Variants in PCBP3 observed in about 807,000 individuals in gnomAD.
PCBP3 encodes the protein poly(rC) binding protein 3.
A neutral mutation model predicts 52.7 loss-of-function variants in PCBP3; 25 were observed. The observed-to-expected ratio is 0.47, with a 90% CI of 0.35 to 0.66. The LOEUF is 0.66. Ranked by LOEUF, PCBP3 falls within the 30% of genes least tolerant of loss-of-function variation. The pLI, the probability that PCBP3 is intolerant of heterozygous loss-of-function variation, is 0.01. For missense variants in PCBP3, 391 were observed against 490.3 expected, an observed-to-expected ratio of 0.80 and a Z score of 1.91; for synonymous variants, 162 against 183.0, an observed-to-expected ratio of 0.89 and a Z score of 0.93.
intron 3 of PCBP3, among the ~76,000 whole-genome samples, chr21:45,739,610 AC>A (rs2086252644): frequency 1.1e-4 from 1 of 9,452 alleles, no homozygotes; most frequent in South Asian, 3.8e-3. Context: ...TCATCAGCCC[AC>A]CCCTTCCTGT....
rs1174868284 is a variant in PCBP3 at position 45,823,407 on chromosome 21, G to C, written c.-125-26554G>C. Among the ~76,000 whole-genome samples the C allele has an allele frequency of 4.6e-5, 7 of 152,208 alleles. No individual in the cohort carries two copies. The East Asian group carries it at 1.3e-3, about 29-fold the overall frequency. On this transcript the variant is annotated intron_variant, in intron 4 of 17. Transcript: ENST00000681687. ...GGGGATTCGGTTGAGGTGGTGTCTG[G>C]TCTCTTCATGAGTGGAAAGTGCAGC... is the stretch of plus-strand genomic sequence containing the variant.
intron 4 of PCBP3, among the ~76,000 whole-genome samples, chr21:45,838,048 G>T (rs62214608): frequency 6.6e-6 from 1 of 152,174 alleles, no homozygotes; most frequent in Non-Finnish European, 1.5e-5. Flanking sequence ...TGCCAGAAAG[G>T]CAGGATAGAT....
chr21:45,793,111 C>T (rs886667122), intron 4 of PCBP3, among the ~76,000 whole-genome samples: 2 of 152,202 alleles, frequency 1.3e-5, no homozygotes, highest in Admixed American at 6.5e-5. Flanking sequence ...CAGGAGAAAG[C>T]AGCAGCAAGC....
chr21:45,930,054 T>C (rs374746722), intron 14 of PCBP3, 59 bp downstream of exon 14: 54 of 1,272,582 alleles, frequency 4.2e-5, no homozygotes, highest in Middle Eastern at 1.9e-4. Flanking sequence ...TTTCTCTTTC[T>C]GAGCTGTGTT....
At chr21:45,750,117 AC>A (rs2087288967) in intron 3 of PCBP3, 1 of 152,232 alleles carries the variant, frequency 6.6e-6, no homozygotes, top group Non-Finnish European at 1.5e-5. Flanking sequence ...TCAGGGCCTC[AC>A]CTCGCCAGGT....
intron 3 of PCBP3, among the ~76,000 whole-genome samples, chr21:45,751,303 T>G (rs969076366): frequency 1.3e-5 from 2 of 152,258 alleles, no homozygotes; most frequent in Non-Finnish European, 2.9e-5. Flanking sequence ...TGTATCTTGC[T>G]ACATATGTTC....
chr21:45,757,949 C>T (rs1011885207), intron 4 of PCBP3, among the ~76,000 whole-genome samples: 3 of 151,152 alleles, frequency 2.0e-5, no homozygotes, highest in African/African-American at 2.4e-5. Context: ...TACAGTGGTG[C>T]GATCTCGGCT....
chr21:45,882,357 A>G (rs1434841109), intron 5 of PCBP3, among the ~76,000 whole-genome samples: 1 of 151,934 alleles, frequency 6.6e-6, no homozygotes, highest in African/African-American at 2.4e-5. Context: ...TTTCTTTGCC[A>G]TTTTTTTAAA....
At chr21:45,823,990 C>T (rs1341621126) in intron 4 of PCBP3, among the ~76,000 whole-genome samples, 1 of 152,200 alleles carries the variant, frequency 6.6e-6, no homozygotes, top group Non-Finnish European at 1.5e-5. Flanking sequence ...AATTCACCCG[C>T]CTTGGCCTCC....
Position 45,839,647 on chromosome 21 carries a change from A to G in PCBP3, c.-125-10314A>G, listed in dbSNP as rs115605902. On this transcript the variant is annotated intron_variant, in intron 4 of 17. Coordinates refer to ENST00000681687, the MANE Select transcript of PCBP3 (RefSeq NM_001384156.1). Reference sequence around the variant, plus strand: ...TACGCCATGGTGATTCTGACTGTGTATAGGCCTACGCTAATGTGTGTGTTT... The same window carrying G: ...TACGCCATGGTGATTCTGACTGTGTGTAGGCCTACGCTAATGTGTGTGTTT... Among the ~76,000 whole-genome samples, 806 of 152,250 alleles carry G rather than the reference A, an allele frequency of 5.3e-3. 4 individuals carry two copies. The highest frequency in any genetic ancestry group is 0.018 in the African/African-American group (754 of 41,548).
At chr21:45,742,178 C>A (rs1469476770) in intron 3 of PCBP3, among the ~76,000 whole-genome samples, 1 of 152,200 alleles carries the variant, frequency 6.6e-6, no homozygotes, top group Non-Finnish European at 1.5e-5. Context: ...TCCACAGCAG[C>A]TTCCTCTCTT....
At chr21:45,901,389 G>A (rs2096033452) in intron 9 of PCBP3, 1 of 392,848 alleles carries the variant, frequency 2.5e-6, no homozygotes, top group Non-Finnish European at 4.9e-6. Flanking sequence ...CTGCCCTGGG[G>A]CACCGAGCAC....
intron 12 of PCBP3, chr21:45,915,525 A>C (rs1291153835): frequency 2.0e-5 from 3 of 152,206 alleles, no homozygotes; most frequent in African/African-American, 7.2e-5. Context: ...TCTTAAAGCC[A>C]CTGGGGGAGG....
intron 4 of PCBP3, among the ~76,000 whole-genome samples, chr21:45,834,308 C>T (rs1388497388): frequency 6.6e-6 from 1 of 152,246 alleles, no homozygotes; most frequent in East Asian, 1.9e-4. Flanking sequence ...GCCCTCCGAC[C>T]AGGGCGCGTG....
At chr21:45,889,550 G>A (rs1265116415) in intron 5 of PCBP3, among the ~76,000 whole-genome samples, 1 of 152,178 alleles carries the variant, frequency 6.6e-6, no homozygotes, top group East Asian at 1.9e-4. Flanking sequence ...CTCATGGCCA[G>A]GGCCACGGCC....
intron 4 of PCBP3, among the ~76,000 whole-genome samples, chr21:45,839,709 GTC>G (rs1476575888): frequency 6.6e-6 from 1 of 152,138 alleles, no homozygotes; most frequent in Admixed American, 6.5e-5. Context: ...TTGAGATGGA[GTC>G]TCTCTCACTT....
At chr21:45,875,758 C>A (rs1408216137) in intron 5 of PCBP3, among the ~76,000 whole-genome samples, 1 of 152,264 alleles carries the variant, frequency 6.6e-6, no homozygotes, top group Non-Finnish European at 1.5e-5. Context: ...CCTGAGGCTA[C>A]AGGGAGGTTG....
At chr21:45,898,386 A>G (rs113794952) in intron 6 of PCBP3, among the ~76,000 whole-genome samples, 22,088 of 62,048 alleles carry the variant, frequency 0.36, 4,937 homozygotes, top group Middle Eastern at 0.53. Context: ...CCGTCCTCAC[A>G]GCCTCCCTCT....
At chr21:45,775,238 C>CAGGTTGT (rs1408825555) in intron 4 of PCBP3, among the ~76,000 whole-genome samples, 1 of 151,794 alleles carries the variant, frequency 6.6e-6, no homozygotes, top group African/African-American at 2.4e-5. Context: ...TCAGTCTTGG[C>CAGGTTGT]AGGTTGTATA....
Sources: allele counts gnomAD v4.1 joint callset (sites outside exome capture counted in the v4.1 genomes callset), GRCh38; gene constraint gnomAD v4.1.1; transcripts MANE v1.5; gene names NCBI Gene and HGNC (gene_info 2026-07-23, HGNC 2026-07-21).